The following MNAT1 variants were observed in gnomAD, a reference collection of about 807,000 sequenced individuals.
The protein encoded by MNAT1 is MNAT1 component of CDK activating kinase.
MNAT1 carries 43 observed loss-of-function variants against 42.0 expected under a neutral mutation model. The observed-to-expected ratio is 1.02, with a 90% CI of 0.80 to 1.32. The LOEUF (loss-of-function observed/expected upper bound fraction) is 1.32. MNAT1 is among the 40% of genes most tolerant of loss of function. MNAT1 has a pLI of 0.00. For synonymous variants in MNAT1, 118 were observed against 120.0 expected, an observed-to-expected ratio of 0.98 and a Z score of 0.11; for missense variants, 306 against 350.4, an observed-to-expected ratio of 0.87 and a Z score of 1.01.
At chr14:60,829,482 TCTTTC>T (rs1192765842) in intron 6 of MNAT1, among the ~76,000 whole-genome samples, 2 of 152,184 alleles carry the variant, frequency 1.3e-5, no homozygotes, top group African/African-American at 2.4e-5. Context: ...TATGTAATAT[TCTTTC>T]CTTTACCACG....
intron 7 of MNAT1, among the ~76,000 whole-genome samples, chr14:60,892,970 T>C (rs912814149): frequency 6.6e-6 from 1 of 152,246 alleles, no homozygotes. Context: ...GTTAGTTTCT[T>C]AAATTATGTA....
At chr14:60,880,994 GA>G (rs2034538177) in intron 7 of MNAT1, among the ~76,000 whole-genome samples, 1 of 152,240 alleles carries the variant, frequency 6.6e-6, no homozygotes, top group East Asian at 1.9e-4. Context: ...CTCTTACAAA[GA>G]GCCAGAATCG....
intron 1 of MNAT1, among the ~76,000 whole-genome samples, chr14:60,778,685 C>G (rs2140312325): frequency 6.6e-6 from 1 of 152,310 alleles, no homozygotes; most frequent in African/African-American, 2.4e-5. Context: ...ATCCACTGGT[C>G]TTAACTCATA....
At chr14:60,891,764 G>T (rs938698122) in intron 7 of MNAT1, among the ~76,000 whole-genome samples, 16 of 151,884 alleles carry the variant, frequency 1.1e-4, no homozygotes, top group Non-Finnish European at 2.4e-4. Flanking sequence ...GATTTTTCTT[G>T]TTTTTTAATG....
chr14:60,889,845 A>G (rs1241553900), intron 7 of MNAT1, among the ~76,000 whole-genome samples: 2 of 152,240 alleles, frequency 1.3e-5, no homozygotes, highest in African/African-American at 4.8e-5. Context: ...AAAACACATG[A>G]AAAAATGCTC....
At chr14:60,941,463 A>AC (rs1212241887) in intron 7 of MNAT1, among the ~76,000 whole-genome samples, 1 of 152,066 alleles carries the variant, frequency 6.6e-6, no homozygotes, top group Admixed American at 6.6e-5. Flanking sequence ...CTTTTGGGAG[A>AC]CCAAGACAGG....
intron 7 of MNAT1, among the ~76,000 whole-genome samples, chr14:60,962,066 A>AT (rs894732314): frequency 6.6e-6 from 1 of 152,116 alleles, no homozygotes; most frequent in Non-Finnish European, 1.5e-5. Flanking sequence ...CTATTTTTAG[A>AT]TTTTTTAATG....
intron 6 of MNAT1, among the ~76,000 whole-genome samples, chr14:60,819,689 G>A (rs528193634): frequency 1.3e-5 from 2 of 152,210 alleles, no homozygotes; most frequent in South Asian, 4.2e-4. Flanking sequence ...AAAAGTTGTG[G>A]CAGCACTACA....
At chr14:60,874,876 A>T (rs1490092477) in intron 6 of MNAT1, among the ~76,000 whole-genome samples, 2 of 152,146 alleles carry the variant, frequency 1.3e-5, no homozygotes, top group East Asian at 3.9e-4. Context: ...TTAAGCCATT[A>T]TCTGCTCTGT....
At chr14:60,821,944 T>C (rs2032901846) in intron 6 of MNAT1, among the ~76,000 whole-genome samples, 1 of 152,210 alleles carries the variant, frequency 6.6e-6, no homozygotes, top group Non-Finnish European at 1.5e-5. Context: ...TTTGATGCAA[T>C]GTACAGCCAA....
chr14:60,924,692 C>T (rs2035730812), intron 7 of MNAT1, among the ~76,000 whole-genome samples: 1 of 152,100 alleles, frequency 6.6e-6, no homozygotes, highest in Admixed American at 6.5e-5. Flanking sequence ...TGAAAGACAG[C>T]TCCACAGATG....
chr14:60,836,319 T>C (rs1333454257), intron 6 of MNAT1, among the ~76,000 whole-genome samples: 1 of 152,224 alleles, frequency 6.6e-6, no homozygotes, highest in African/African-American at 2.4e-5. Flanking sequence ...AGAGGTGTTA[T>C]GCTTTTTGGA....
At chr14:60,806,217 A>G (rs979040365) in intron 3 of MNAT1, among the ~76,000 whole-genome samples, 1 of 152,248 alleles carries the variant, frequency 6.6e-6, no homozygotes, top group Admixed American at 6.5e-5. Context: ...CAGCAGAGCG[A>G]TATTAGACAA....
rs1594714775 is a variant in MNAT1, at chr14:60,742,562, A to T, written c.89+7611A>T. ...CGTACCATAAAATTCACACATTTAAAGTGTACGTTTCAATGGCTTTTAGTA... is the reference window on the plus strand; with the variant it reads ...CGTACCATAAAATTCACACATTTAATGTGTACGTTTCAATGGCTTTTAGTA... On this transcript the variant is annotated intron_variant, in intron 1 of 7. Transcript: ENST00000261245. 2.6e-5 allele frequency among the ~76,000 whole-genome samples: 4 copies of T among 152,316 alleles called. No homozygotes were observed. The East Asian group carries it at 7.7e-4, about 29-fold the overall frequency.
At chr14:60,778,597 G>C (rs1396512571) in intron 1 of MNAT1, among the ~76,000 whole-genome samples, 1 of 152,164 alleles carries the variant, frequency 6.6e-6, no homozygotes, top group South Asian at 2.1e-4. Flanking sequence ...CACTAATACG[G>C]GATCTTGAGT....
intron 1 of MNAT1, among the ~76,000 whole-genome samples, chr14:60,746,967 CACACACACACAA>C (rs1566749330): frequency 2.3e-5 from 1 of 43,812 alleles, no homozygotes; most frequent in Non-Finnish European, 6.3e-5. Flanking sequence ...CACACACACA[CACACACACACAA>C]AATTATGTCT....
chr14:60,747,986 G>A (rs1566749915), intron 1 of MNAT1, among the ~76,000 whole-genome samples: 2 of 152,080 alleles, frequency 1.3e-5, no homozygotes, highest in African/African-American at 4.8e-5. Flanking sequence ...CATGAGGTCA[G>A]GAGATCGAGA....
chr14:60,957,074 T>G (rs2036499777), intron 7 of MNAT1, among the ~76,000 whole-genome samples: 1 of 152,192 alleles, frequency 6.6e-6, no homozygotes, highest in East Asian at 1.9e-4. Context: ...CTTTTGTCCC[T>G]TTTTTCTTGC....
intron 7 of MNAT1, among the ~76,000 whole-genome samples, chr14:60,923,987 G>A (rs1333371807): frequency 1.3e-5 from 2 of 152,070 alleles, no homozygotes; most frequent in Non-Finnish European, 2.9e-5. Flanking sequence ...CATTTGAGGT[G>A]TAAGTGACTT....
Sources: gnomAD v4.1 joint callset for allele counts (sites outside exome capture counted in the v4.1 genomes callset) on GRCh38, gnomAD v4.1.1 for gene constraint, MANE v1.5 for transcripts, NCBI Gene and HGNC (gene_info 2026-07-23, HGNC 2026-07-21) for gene names.